The following MPDZ variants were observed in gnomAD, a reference collection of about 807,000 sequenced individuals.
MPDZ encodes multiple PDZ domain crumbs cell polarity complex component.
A neutral mutation model predicts 239.1 loss-of-function variants in MPDZ; 234 were observed. The observed-to-expected ratio is 0.98, with a 90% confidence interval of 0.88 to 1.09. The LOEUF is 1.09. MPDZ is among the 50% of genes least tolerant of loss of function. The probability of loss-of-function intolerance (pLI) is 0.00; values close to 1 mark genes in which losing one functional copy is unlikely to be tolerated. For missense variants in MPDZ, 3,175 were observed against 2,510.0 expected (o/e 1.26, Z -5.66); for synonymous variants, 1,048 against 881.3 (o/e 1.19, Z -3.35).
Position 13,110,027 on chromosome 9 carries a change from T to A in MPDZ, c.5867A>T (p.His1956Leu). 6.2e-7 allele frequency: 1 copy of A among 1,613,388 alleles called. No homozygotes were observed. Among genetic ancestry groups the A allele is most frequent in the South Asian group, 1.1e-5 (1 of 90,960 alleles). ...ACTGGAACTTGCAGGCTCCTGCTGA[T>A]GACCTGTGACCACACTCACGTCTCC... The part of the protein sequence containing the change: ...AGGDVSVVTG[H>L]QQEPASSSLS... Residue 1956 changes from histidine (H) to leucine (L), a missense_variant, in exon 45 of 47, where the codon CAT becomes CTT. Coordinates refer to ENST00000319217, the MANE Select transcript of MPDZ (RefSeq NM_001378778.1).
intron 21 of MPDZ, among the ~76,000 whole-genome samples, chr9:13,169,736 A>G (rs902342383): frequency 6.6e-6 from 1 of 152,124 alleles, no homozygotes; most frequent in African/African-American, 2.4e-5. Flanking sequence ...TACACAACAT[A>G]CTTGCTCAGC....
chr9:13,136,052 A>T (rs1198884729), intron 31 of MPDZ, 40 bp downstream of exon 31: 1 of 1,328,228 alleles, frequency 7.5e-7, no homozygotes. Flanking sequence ...GCTCACATCA[A>T]TCAAGTCTTC....
chr9:13,247,514 T>G, intron 3 of MPDZ, 121 bp downstream of exon 3: 1 of 1,064,754 alleles, frequency 9.4e-7, no homozygotes, highest in Non-Finnish European at 1.3e-6. Context: ...CATTTGGAGG[T>G]TTAAATGACT....
chr9:13,253,861 G>C (rs571911315), intron 1 of MPDZ, among the ~76,000 whole-genome samples: 1 of 152,268 alleles, frequency 6.6e-6, no homozygotes, highest in South Asian at 2.1e-4. Flanking sequence ...TCACATGCTA[G>C]GTACTATTCA....
At chr9:13,111,843 T>G (rs1319029561) in intron 43 of MPDZ, among the ~76,000 whole-genome samples, 181 bp downstream of exon 43, 1 of 152,238 alleles carries the variant, frequency 6.6e-6, no homozygotes, top group African/African-American at 2.4e-5. Context: ...CTGCATTTTC[T>G]CCTTTCTTTT....
At chr9:13,165,375 G>A (rs1315254134) in intron 22 of MPDZ, 2 of 1,549,394 alleles carry the variant, frequency 1.3e-6, no homozygotes, top group Non-Finnish European at 1.7e-6. Context: ...ACACATAAAA[G>A]GGGGCTCGAT....
At chr9:13,156,335 A>T (rs2133308978) in intron 24 of MPDZ, among the ~76,000 whole-genome samples, 1 of 152,268 alleles carries the variant, frequency 6.6e-6, no homozygotes, top group Admixed American at 6.5e-5. Context: ...ATCCTTTTTC[A>T]TGCTGCTGAT....
At chr9:13,135,328 C>T (rs532835053) in intron 31 of MPDZ, 120 of 152,286 alleles carry the variant, frequency 7.9e-4, no homozygotes, top group African/African-American at 2.8e-3. Flanking sequence ...TCTTCAACCA[C>T]TCATTTTTCC....
At chr9:13,224,262 A>G (rs911985864) in intron 4 of MPDZ, 112 bp downstream of exon 4, 1 of 1,043,256 alleles carries the variant, frequency 9.6e-7, no homozygotes, top group South Asian at 1.9e-5. Context: ...TTTTTGTTCC[A>G]ATGTTTTCAG....
chr9:13,138,125 T>C lies in MPDZ; in HGVS notation c.4032A>G (p.Leu1344=). 7 of 1,599,626 alleles carry C rather than the reference T, an allele frequency of 4.4e-6. No individual in the cohort carries two copies. The highest frequency in any genetic ancestry group is 6.0e-6 in the Non-Finnish European group (7 of 1,172,704). The stretch of plus-strand genomic sequence containing the variant: ...GTTCAATCATATGCAGCTCGCCTGT[T>C]AGGGTTCCATAACGCTCTCTGATAT... The part of the protein sequence containing the change: ...WKNIRERYGT[L]TGELHMIELE... The change falls in exon 29 of 47, where the codon CTA becomes CTG. Residue 1344 remains leucine (L), a synonymous_variant. Coordinates refer to ENST00000319217, the MANE Select transcript of MPDZ (RefSeq NM_001378778.1).
At chr9:13,198,727 A>ATCTCTCTC (rs138547279) in intron 12 of MPDZ, among the ~76,000 whole-genome samples, 1 of 81,256 alleles carries the variant, frequency 1.2e-5, no homozygotes, top group Non-Finnish European at 2.2e-5. Context: ...TAGGTCTTTA[A>ATCTCTCTC]TCTCTCTCTC....
chr9:13,179,125 A>G (rs1288897808), intron 19 of MPDZ, among the ~76,000 whole-genome samples: 2 of 152,124 alleles, frequency 1.3e-5, no homozygotes, highest in Non-Finnish European at 1.5e-5. Flanking sequence ...AATTGAGGCA[A>G]GTGGAAATAT....
In MPDZ at chr9:13,121,863, T is replaced by C. The variant is rs940451372; in HGVS notation, c.5107A>G (p.Arg1703Gly). The change falls in exon 38 of 47, where the codon AGA becomes GGA. Residue 1703 changes from arginine (R) to glycine (G), a missense_variant. Physicochemically the swap from Arg to Gly is moderately radical, Grantham distance 125. Transcript: ENST00000319217. ...AINVLRQTPQ[R>G]VRLTLYRDEA... ...TCTCTGTAGAGTGTCAGGCGCACTCTCTGTGGCGTCTGTCTCAGGACATTG... is the reference window on the plus strand; with the variant it reads ...TCTCTGTAGAGTGTCAGGCGCACTCCCTGTGGCGTCTGTCTCAGGACATTG... 12 of 1,613,828 alleles carry C rather than the reference T, an allele frequency of 7.4e-6. No homozygotes were observed. Among genetic ancestry groups the C allele is most frequent in the Non-Finnish European group, 1.0e-5 (12 of 1,179,864 alleles).
intron 3 of MPDZ, among the ~76,000 whole-genome samples, chr9:13,233,052 T>C (rs1962966648): frequency 6.6e-6 from 1 of 152,090 alleles, no homozygotes; most frequent in Admixed American, 6.6e-5. Flanking sequence ...TAGTACTAAG[T>C]GTGAGCATTG....
chr9:13,167,757 A>G lies in MPDZ; in HGVS notation c.3254+609T>C, dbSNP rs1351449843. ...TCAAGGAATGGTTAGTGACTTAAAAAACAAACCACATATATGATGTGCTTT... is the reference window on the plus strand; with the variant it reads ...TCAAGGAATGGTTAGTGACTTAAAAGACAAACCACATATATGATGTGCTTT... On this transcript the variant is annotated intron_variant, in intron 22 of 46. Transcript: ENST00000319217. 4.6e-5 allele frequency among the ~76,000 whole-genome samples: 7 copies of G among 152,290 alleles called. No homozygotes were observed. The East Asian group carries it at 1.2e-3, about 25-fold the overall frequency.
At chr9:13,168,783 A>ATTGTATATAGT (rs1452359060) in intron 21 of MPDZ, among the ~76,000 whole-genome samples, 1 of 152,182 alleles carries the variant, frequency 6.6e-6, no homozygotes, top group African/African-American at 2.4e-5. Flanking sequence ...TACATTATAA[A>ATTGTATATAGT]CAAAACAGAT....
chr9:13,165,697 A>G (rs1950993855), intron 22 of MPDZ, among the ~76,000 whole-genome samples: 1 of 152,164 alleles, frequency 6.6e-6, no homozygotes, highest in Non-Finnish European at 1.5e-5. Context: ...AGGCAGGTGA[A>G]TTCTGATTCA....
chr9:13,221,508 CAA>C lies in MPDZ; in HGVS notation c.748-10_748-9del, dbSNP rs756428252. On this transcript the variant is annotated splice_polypyrimidine_tract_variant and intron_variant, in intron 6 of 46. Coordinates refer to ENST00000319217, the MANE Select transcript of MPDZ (RefSeq NM_001378778.1). ...CATGTGTTGCCAGTGAACCTACAAA[CAA>C]AGCTCATATATGAATTTGTAGAAAT... 1.9e-6 allele frequency: 3 copies of C among 1,607,606 alleles called. No homozygotes were observed. Among genetic ancestry groups the C allele is most frequent in the Non-Finnish European group, 2.6e-6 (3 of 1,176,464 alleles).
chr9:13,125,364 C>A lies in MPDZ; in HGVS notation c.4659G>T (p.Lys1553Asn), dbSNP rs1226310949. Reference sequence around the variant, plus strand: ...CATGGATGGTAAGTTTTACTGTCATCTTTGCTGTCTTCAGAAGGCTAATAA... The same window carrying A: ...CATGGATGGTAAGTTTTACTGTCATATTTGCTGTCTTCAGAAGGCTAATAA... ...EKFISLLKTAKMTVKLTIHAE... is the reference protein window; with the variant it reads ...EKFISLLKTANMTVKLTIHAE... Residue 1553 changes from lysine (K) to asparagine (N), a missense_variant, in exon 35 of 47, where the codon AAG becomes AAT. Transcript: ENST00000319217. 1.2e-6 allele frequency: 2 copies of A among 1,613,580 alleles called. No homozygotes were observed. Among genetic ancestry groups the A allele is most frequent in the Non-Finnish European group, 1.7e-6 (2 of 1,179,682 alleles).
Sources: gnomAD v4.1 joint callset for allele counts (sites outside exome capture counted in the v4.1 genomes callset) on GRCh38, gnomAD v4.1.1 for gene constraint, MANE v1.5 for transcripts, NCBI Gene and HGNC (gene_info 2026-07-23, HGNC 2026-07-21) for gene names.